PDE6G: variants seen among roughly 807,000 people sequenced by gnomAD.
PDE6G encodes the protein rod cGMP 3',5'-cyclic phosphodiesterase subunit gamma.
Under a neutral mutation model 10.9 loss-of-function variants are expected in PDE6G, and 10 were observed. The observed-to-expected ratio is 0.91, with a 90% CI of 0.56 to 1.55. PDE6G has a LOEUF of 1.55. Among genes scored for constraint, PDE6G ranks in the 40% most tolerant of loss-of-function variants. The pLI, the probability that PDE6G is intolerant of heterozygous loss-of-function variation, is 0.00. For missense variants in PDE6G, 102 were observed against 110.1 expected (o/e 0.93, Z 0.33); for synonymous variants, 41 against 42.8 (o/e 0.96, Z 0.16).
upstream of PDE6G, among the ~76,000 whole-genome samples, chr17:81,660,228 A>G (rs1282484286): frequency 2.6e-5 from 4 of 152,128 alleles, no homozygotes; most frequent in African/African-American, 7.2e-5. Flanking sequence ...CTTGGCCAAC[A>G]TGGCGAAACC....
upstream of PDE6G, chr17:81,656,635 G>A: frequency 2.8e-6 from 2 of 709,678 alleles, no homozygotes; most frequent in South Asian, 2.9e-5. Context: ...GGGCCCCGAG[G>A]GGGGGCACAA....
upstream of PDE6G, chr17:81,656,764 C>A (rs1009367431): frequency 1.6e-6 from 1 of 629,332 alleles, no homozygotes; most frequent in Non-Finnish European, 2.9e-6. Flanking sequence ...CAGCCAGGCT[C>A]CTGCAGCTGC....
Position 81,650,868 on chromosome 17 carries a change from C to T in PDE6G, c.*206G>A, listed in dbSNP as rs796350410. On this transcript the variant is annotated 3_prime_UTR_variant, in exon 4 of 4. Coordinates refer to ENST00000331056, the MANE Select transcript of PDE6G (RefSeq NM_002602.4). ...CTCCAGATGTTGAGCAGGGCCTGGC[C>T]AGCCCCTGAGGGGGCATCCTAGAGG... 15 of 651,072 alleles carry T rather than the reference C, an allele frequency of 2.3e-5. No homozygotes were observed. Among genetic ancestry groups the T allele is most frequent in the Middle Eastern group, 3.8e-4 (1 of 2,612 alleles). 40.3% of individuals were successfully genotyped at this position (651,072 alleles called of 1,614,324 possible).
Position 81,650,943 on chromosome 17 carries a change from A to C in PDE6G, c.*131T>G. ...GTATTAATATGTAGGGGGAGACCTG[A>C]GGTTGCAGTCCCATCCTGGTGTCCA... On this transcript the variant is annotated 3_prime_UTR_variant, in exon 4 of 4. Coordinates refer to ENST00000331056, the MANE Select transcript of PDE6G (RefSeq NM_002602.4). 1 of 733,598 alleles carries C rather than the reference A, an allele frequency of 1.4e-6. No individual in the cohort carries two copies. The highest frequency in any genetic ancestry group is 2.0e-5 in the Admixed American group (1 of 50,394). The allele number at this position is 733,598 out of a possible 1,614,324, so 45.4% of individuals were successfully genotyped here. A position where few individuals can be genotyped will look rare whatever the true frequency, so the allele number is the denominator to read the frequency against.
chr17:81,656,408 T>C (rs2036446997), intron 1 of PDE6G, 85 bp downstream of exon 1: 2 of 700,754 alleles, frequency 2.9e-6, no homozygotes, highest in African/African-American at 3.5e-5. Context: ...CAGCTCCCTC[T>C]GCCCCTTGGG....
rs2036359225 is a variant in PDE6G, at chr17:81,651,712, T to C, written c.147-27A>G. The C allele has an allele frequency of 1.2e-6, 2 of 1,612,898 alleles. No homozygotes were observed. Among genetic ancestry groups the C allele is most frequent in the African/African-American group, 1.3e-5 (1 of 74,826 alleles). On this transcript the variant is annotated intron_variant, in intron 2 of 3. Transcript: ENST00000331056. The surrounding 1 kb of genome is among the most constrained non-coding windows in gnomAD (Gnocchi z 4.8). ...TGCAAGGACAGAGCACTCAGGGACA[T>C]GGCCGGGCCCAGTCCTGGCTCAGTC...
upstream of PDE6G, among the ~76,000 whole-genome samples, chr17:81,661,153 A>G (rs567087471): frequency 6.6e-6 from 1 of 152,310 alleles, no homozygotes; most frequent in Non-Finnish European, 1.5e-5. Flanking sequence ...TTTGGAGGCC[A>G]AGGCAGGAGC....
In PDE6G at chr17:81,650,472, T is replaced by G; in HGVS notation, c.*602A>C. On this transcript the variant is annotated 3_prime_UTR_variant, in exon 4 of 4. Transcript: ENST00000331056. ...ATGCCACAGACAGGCAAGGACACACTAATTTTATTTTGAAATAGGGACTGC... is the reference window on the plus strand; with the variant it reads ...ATGCCACAGACAGGCAAGGACACACGAATTTTATTTTGAAATAGGGACTGC... The G allele has an allele frequency of 2.2e-6, 1 of 450,522 alleles. No individual in the cohort carries two copies. The highest frequency in any genetic ancestry group is 1.6e-5 in the South Asian group (1 of 64,402). The allele number at this position is 450,522 out of a possible 1,614,324, so 27.9% of individuals were successfully genotyped here. A position where few individuals can be genotyped will look rare whatever the true frequency, so the allele number is the denominator to read the frequency against.
At chr17:81,660,095 A>G (rs571674219), upstream of PDE6G, among the ~76,000 whole-genome samples, 51 of 124,694 alleles carry the variant, frequency 4.1e-4, no homozygotes, top group Admixed American at 9.5e-4. Flanking sequence ...CAAAAAAAGA[A>G]AAGAAAAAAA....
rs763031447 is a variant in PDE6G, at chr17:81,651,080, G to A, written c.258C>T (p.Ile86=). 423 of 1,611,628 alleles carry A rather than the reference G, an allele frequency of 2.6e-4. No homozygotes were observed. The highest frequency in any genetic ancestry group is 3.3e-4 in the Non-Finnish European group (390 of 1,177,836). Residue 86 remains isoleucine, a synonymous_variant, in exon 4 of 4, where the codon ATC becomes ATT. Transcript: ENST00000331056. This position sits in a 1 kb window ranked among gnomAD's most constrained non-coding sequence, Gnocchi z 4.8. The part of the protein sequence containing the change: ...LELHELAQYG[I]I Reference sequence around the variant, plus strand: ...ACTTCAGCAGGGCCTCGTGCTAGATGATGCCATATTGGGCCAGCTCGTGCA... The same window carrying A: ...ACTTCAGCAGGGCCTCGTGCTAGATAATGCCATATTGGGCCAGCTCGTGCA...
upstream of PDE6G, among the ~76,000 whole-genome samples, chr17:81,658,777 G>A (rs1366143002): frequency 6.6e-6 from 1 of 151,844 alleles, no homozygotes; most frequent in South Asian, 2.1e-4. Context: ...GGAGGTGGAG[G>A]TTGCAGTGAG....
chr17:81,650,608 G>T lies in PDE6G; in HGVS notation c.*466C>A, dbSNP rs1055929402. 1 of 454,464 alleles carries T rather than the reference G, an allele frequency of 2.2e-6. No individual in the cohort carries two copies. The highest frequency in any genetic ancestry group is 1.6e-5 in the South Asian group (1 of 64,476). 28.2% of individuals were successfully genotyped at this position (454,464 alleles called of 1,614,324 possible). On this transcript the variant is annotated 3_prime_UTR_variant, in exon 4 of 4. Coordinates refer to ENST00000331056, the MANE Select transcript of PDE6G (RefSeq NM_002602.4). Reference sequence around the variant, plus strand: ...GCTACCCAGCATGTCCAAACTAAGGGCACCCCCCTGGGAAGGGATGCAGAG... The same window carrying T: ...GCTACCCAGCATGTCCAAACTAAGGTCACCCCCCTGGGAAGGGATGCAGAG...
intron 2 of PDE6G, among the ~76,000 whole-genome samples, chr17:81,652,077 G>A (rs1438674573): frequency 6.6e-6 from 1 of 152,216 alleles, no homozygotes; most frequent in Non-Finnish European, 1.5e-5. Flanking sequence ...TTGTGCATAA[G>A]AGTGTCATGC....
upstream of PDE6G, among the ~76,000 whole-genome samples, chr17:81,660,979 G>A (rs1307615698): frequency 3.9e-5 from 6 of 152,182 alleles, no homozygotes; most frequent in East Asian, 5.8e-4. Flanking sequence ...AGTGTAGTGA[G>A]GCAATCATGA....
intron 1 of PDE6G, among the ~76,000 whole-genome samples, chr17:81,655,357 G>A (rs1050877858): frequency 2.6e-5 from 4 of 152,210 alleles, no homozygotes; most frequent in African/African-American, 4.8e-5. Context: ...GGAGGGTGCC[G>A]GGCATGTGTT....
At chr17:81,654,434 C>T (rs1168901929) in intron 1 of PDE6G, among the ~76,000 whole-genome samples, 2 of 141,886 alleles carry the variant, frequency 1.4e-5, no homozygotes, top group Non-Finnish European at 3.0e-5. Flanking sequence ...GGTTGGAGTG[C>T]AGTGGCGAGA....
In PDE6G at chr17:81,653,211, T is replaced by A; in HGVS notation, c.95A>T (p.Gln32Leu). The A allele has an allele frequency of 6.2e-7, 1 of 1,614,114 alleles. No homozygotes were observed. Among genetic ancestry groups the A allele is most frequent in the Non-Finnish European group, 8.5e-7 (1 of 1,180,020 alleles). The stretch of plus-strand genomic sequence containing the variant: ...GCTCTTGAACTGCCTGGTCTGTCGC[T>A]GCTTAAATTTAGGGGGCCCTTTCCT... ...TPRKGPPKFK[Q>L]RQTRQFKSKP... The change falls in exon 2 of 4, where the codon CAG becomes CTG. Residue 32 changes from glutamine (Q) to leucine (L), a missense_variant. Physicochemically the swap from Gln to Leu is moderately radical, Grantham distance 113. Coordinates refer to ENST00000331056, the MANE Select transcript of PDE6G (RefSeq NM_002602.4). This position sits in a 1 kb window ranked among gnomAD's most constrained non-coding sequence, Gnocchi z 5.2.
chr17:81,650,705 T>G lies in PDE6G; in HGVS notation c.*369A>C, dbSNP rs540393467. 4.4e-6 allele frequency: 2 copies of G among 457,062 alleles called. No individual in the cohort carries two copies. The highest frequency in any genetic ancestry group is 8.8e-6 in the Non-Finnish European group (2 of 228,036). 28.3% of individuals were successfully genotyped at this position (457,062 alleles called of 1,614,324 possible). On this transcript the variant is annotated 3_prime_UTR_variant, in exon 4 of 4. Coordinates refer to ENST00000331056, the MANE Select transcript of PDE6G (RefSeq NM_002602.4). ...GGTGCAGAAGCACTCTGGGGAGACC[T>G]GCCCTAGCTTTCCAGCTGGGAGGAG...
rs1375637167 is a variant in PDE6G at position 81,651,303 on chromosome 17, A to C, written c.188-153T>G. Among the ~76,000 whole-genome samples the C allele has an allele frequency of 6.6e-6, 1 of 152,026 alleles. No homozygotes were observed. The highest frequency in any genetic ancestry group is 2.4e-5 in the African/African-American group (1 of 41,390). On this transcript the variant is annotated intron_variant, in intron 3 of 3. Coordinates refer to ENST00000331056, the MANE Select transcript of PDE6G (RefSeq NM_002602.4). The surrounding 1 kb of genome is among the most constrained non-coding windows in gnomAD (Gnocchi z 4.8). ...TGGAGTGGGGCCCTCCTCTGGGGAC[A>C]CACTGGCTGTGGGGGAAGGAGGGTG...
Sources: gnomAD v4.1 joint callset for allele counts (sites outside exome capture counted in the v4.1 genomes callset) on GRCh38, gnomAD v4.1.1 for gene constraint, Gnocchi (gnomAD v3.1) non-coding constraint, MANE v1.5 for transcripts, NCBI Gene and HGNC (gene_info 2026-07-23, HGNC 2026-07-21) for gene names.